Variants in SAMTOR observed in about 807,000 individuals in gnomAD.
SAMTOR encodes S-adenosylmethionine sensor upstream of mTORC1, also known as UPF0532 protein C7orf60.
chr7:112,939,343 G>C, the SAMTOR span: 5 of 571,228 alleles, frequency 8.8e-6, no homozygotes, highest in Non-Finnish European at 1.5e-5. Context: ...GGGCTTGGAG[G>C]GGGTGGGGAC....
At chr7:112,926,524 A>G in the SAMTOR span, among the ~76,000 whole-genome samples, 19 of 152,172 alleles carry the variant, frequency 1.2e-4, no homozygotes, top group Non-Finnish European at 2.1e-4. Flanking sequence ...CAGATTAACC[A>G]AACAACTTCA....
At chr7:112,881,736 C>A in the SAMTOR span, among the ~76,000 whole-genome samples, 26 of 152,188 alleles carry the variant, frequency 1.7e-4, no homozygotes, top group African/African-American at 6.0e-4. Context: ...GAGAAGCTAC[C>A]ACTTGGGTCT....
the SAMTOR span, among the ~76,000 whole-genome samples, chr7:112,938,332 T>C: frequency 2.4e-3 from 363 of 152,320 alleles, 2 homozygotes; most frequent in African/African-American, 8.5e-3. Flanking sequence ...CATTTGGGGA[T>C]GATTAAACAG....
chr7:112,847,992 T>TA, the SAMTOR span, among the ~76,000 whole-genome samples: 2 of 151,452 alleles, frequency 1.3e-5, no homozygotes, highest in African/African-American at 4.8e-5. Flanking sequence ...TTTAAAAAAT[T>TA]AAAAAATTAG....
chr7:112,858,467 G>A, the SAMTOR span, among the ~76,000 whole-genome samples: 1 of 151,796 alleles, frequency 6.6e-6, no homozygotes, highest in Non-Finnish European at 1.5e-5. Context: ...TTCTGAGATA[G>A]TAAAATCATT....
chr7:112,920,692 T>C, the SAMTOR span, among the ~76,000 whole-genome samples: 1 of 143,510 alleles, frequency 7.0e-6, no homozygotes, highest in Non-Finnish European at 1.5e-5. Flanking sequence ...ATTGTATATC[T>C]AGAAAACCCC....
At chr7:112,921,977 C>T in the SAMTOR span, among the ~76,000 whole-genome samples, 466 of 151,976 alleles carry the variant, frequency 3.1e-3, 7 homozygotes, top group African/African-American at 0.01. Context: ...CTCCCGCTCC[C>T]GCTCCCCACG....
At chr7:112,819,739 A>G in the SAMTOR span, 1 of 152,544 alleles carries the variant, frequency 6.6e-6, no homozygotes, top group Non-Finnish European at 1.5e-5. Flanking sequence ...TTATAGCACC[A>G]ACATTTTCGC....
chr7:112,923,147 G>C, the SAMTOR span, among the ~76,000 whole-genome samples: 1 of 152,214 alleles, frequency 6.6e-6, no homozygotes, highest in African/African-American at 2.4e-5. Context: ...AAATTCTTCT[G>C]CCTTGGGATC....
At chr7:112,915,350 C>G in the SAMTOR span, 32 of 1,612,894 alleles carry the variant, frequency 2.0e-5, no homozygotes, top group Non-Finnish European at 2.7e-5. Context: ...AAGTTTTTGC[C>G]CAATGATTAT....
At chr7:112,916,397 T>A in the SAMTOR span, among the ~76,000 whole-genome samples, 1 of 152,146 alleles carries the variant, frequency 6.6e-6, no homozygotes, top group African/African-American at 2.4e-5. Context: ...TTACACCCCA[T>A]AAGGAAATGT....
chr7:112,860,734 C>G, the SAMTOR span, among the ~76,000 whole-genome samples: 1 of 151,588 alleles, frequency 6.6e-6, no homozygotes, highest in Non-Finnish European at 1.5e-5. Flanking sequence ...ACGGTGAAAC[C>G]CCATCTCTAC....
chr7:112,831,653 A>T, the SAMTOR span, among the ~76,000 whole-genome samples: 8,045 of 152,134 alleles, frequency 0.053, 292 homozygotes, highest in Non-Finnish European at 0.078. Context: ...ACTCCATCTT[A>T]AAAAAAAGTT....
chr7:112,894,816 A>C, the SAMTOR span, among the ~76,000 whole-genome samples: 1 of 152,224 alleles, frequency 6.6e-6, no homozygotes, highest in East Asian at 1.9e-4. Flanking sequence ...TCACAGAGCC[A>C]CAGTGAGTAC....
chr7:112,822,016 T>A, the SAMTOR span: 1 of 1,613,730 alleles, frequency 6.2e-7, no homozygotes, highest in South Asian at 1.1e-5. Flanking sequence ...CTAAATGCCA[T>A]CAGATGCATA....
the SAMTOR span, among the ~76,000 whole-genome samples, chr7:112,862,431 A>G: frequency 1.6e-4 from 25 of 152,334 alleles, no homozygotes; most frequent in African/African-American, 5.8e-4. Flanking sequence ...AATTAACTCT[A>G]TGGTCCCTTC....
the SAMTOR span, among the ~76,000 whole-genome samples, chr7:112,835,730 G>A: frequency 6.6e-6 from 1 of 152,104 alleles, no homozygotes; most frequent in Admixed American, 6.6e-5. Flanking sequence ...GTGAGAACAT[G>A]AAGTATGTGG....
At chr7:112,863,544 G>A in the SAMTOR span, among the ~76,000 whole-genome samples, 5 of 151,236 alleles carry the variant, frequency 3.3e-5, no homozygotes, top group East Asian at 9.9e-4. Flanking sequence ...TCTGACAAAG[G>A]TCTAGTATCC....
At chr7:112,875,178 G>A in the SAMTOR span, among the ~76,000 whole-genome samples, 2 of 152,244 alleles carry the variant, frequency 1.3e-5, no homozygotes, top group Middle Eastern at 3.4e-3. Flanking sequence ...CCAGCTCAGA[G>A]GGGCACTGCT....
Sources: gnomAD v4.1 joint callset for allele counts (sites outside exome capture counted in the v4.1 genomes callset) on GRCh38, gnomAD v4.1.1 for gene constraint, MANE v1.5 for transcripts, NCBI Gene and HGNC (gene_info 2026-07-23, HGNC 2026-07-21) for gene names.